DYM: variants seen among roughly 807,000 people sequenced by gnomAD.
DYM encodes the protein dymeclin.
DYM carries 78 observed loss-of-function variants against 93.1 expected under a neutral mutation model. The observed-to-expected ratio is 0.84, with a 90% confidence interval of 0.70 to 1.01. DYM has a LOEUF of 1.01. DYM is among the 50% of genes least tolerant of loss of function. The pLI is 0.00. For missense variants in DYM, 789 were observed against 845.0 expected, an observed-to-expected ratio of 0.93 and a Z score of 0.82; for synonymous variants, 321 against 319.7, an observed-to-expected ratio of 1.00 and a Z score of -0.04.
chr18:49,064,490 T>C (rs907567082), intron 17 of DYM, among the ~76,000 whole-genome samples: 6 of 152,218 alleles, frequency 3.9e-5, no homozygotes, highest in African/African-American at 1.4e-4. Flanking sequence ...CCAGGGTCTA[T>C]GACTTCATAC....
chr18:49,353,241 A>G (rs2065264009), intron 6 of DYM, among the ~76,000 whole-genome samples: 1 of 152,120 alleles, frequency 6.6e-6, no homozygotes, highest in Non-Finnish European at 1.5e-5. Context: ...AATTAGTAAT[A>G]TTTTAAAACA....
At chr18:49,048,152 G>A (rs2071882044) in intron 17 of DYM, 2 of 152,232 alleles carry the variant, frequency 1.3e-5, no homozygotes, top group Non-Finnish European at 2.9e-5. Context: ...TTCTGGGTGT[G>A]AGGTACAGAG....
At chr18:49,385,303 T>TA (rs1201099401) in intron 3 of DYM, among the ~76,000 whole-genome samples, 3 of 152,130 alleles carry the variant, frequency 2.0e-5, no homozygotes, top group African/African-American at 4.8e-5. Flanking sequence ...CTGACTATCA[T>TA]AAAAAACAAC....
intron 15 of DYM, among the ~76,000 whole-genome samples, chr18:49,148,336 G>C (rs1439875238): frequency 6.7e-6 from 1 of 148,808 alleles, no homozygotes; most frequent in Non-Finnish European, 1.5e-5. Flanking sequence ...AAAACTTAAA[G>C]TATAATTTTA....
intron 8 of DYM, among the ~76,000 whole-genome samples, chr18:49,301,347 C>T (rs1305946840): frequency 3.3e-5 from 5 of 151,808 alleles, no homozygotes; most frequent in African/African-American, 1.2e-4. Context: ...GGTGAAACCC[C>T]GTCTCTACTA....
intron 8 of DYM, among the ~76,000 whole-genome samples, chr18:49,287,714 G>A (rs1410115892): frequency 4.0e-5 from 6 of 151,364 alleles, no homozygotes; most frequent in African/African-American, 9.7e-5. Flanking sequence ...GCGTGGTGGC[G>A]GGCACCTGTA....
intron 6 of DYM, among the ~76,000 whole-genome samples, chr18:49,342,033 G>A (rs2064202019): frequency 6.6e-6 from 1 of 152,200 alleles, no homozygotes; most frequent in Non-Finnish European, 1.5e-5. Flanking sequence ...GGTCTCACGA[G>A]CCTAAAATCC....
At chr18:49,134,320 T>C (rs1277702288) in intron 15 of DYM, among the ~76,000 whole-genome samples, 1 of 152,234 alleles carries the variant, frequency 6.6e-6, no homozygotes, top group Non-Finnish European at 1.5e-5. Flanking sequence ...TTTTGCATAA[T>C]GGTTTATAAG....
chr18:49,341,014 T>C (rs548853966), intron 6 of DYM, among the ~76,000 whole-genome samples: 1 of 152,360 alleles, frequency 6.6e-6, no homozygotes, highest in South Asian at 2.1e-4. Context: ...TCTGTATTTG[T>C]AAAATCACCT....
At chr18:49,073,191 G>A (rs982203122) in intron 17 of DYM, among the ~76,000 whole-genome samples, 13 of 152,164 alleles carry the variant, frequency 8.5e-5, no homozygotes, top group Non-Finnish European at 1.5e-4. Flanking sequence ...TTCGTCACAA[G>A]ATCATTTACA....
At chr18:49,073,078 T>C (rs1365307426) in intron 17 of DYM, among the ~76,000 whole-genome samples, 1 of 152,208 alleles carries the variant, frequency 6.6e-6, no homozygotes, top group Non-Finnish European at 1.5e-5. Context: ...CATACGTGGA[T>C]AAATAAGAGT....
At chr18:49,322,396 A>G (rs1164140050) in intron 8 of DYM, among the ~76,000 whole-genome samples, 1 of 152,162 alleles carries the variant, frequency 6.6e-6, no homozygotes, top group Non-Finnish European at 1.5e-5. Flanking sequence ...TAAAACACAG[A>G]AGAAATTTCA....
At chr18:49,308,977 A>C (rs1228831405) in intron 8 of DYM, among the ~76,000 whole-genome samples, 1 of 152,220 alleles carries the variant, frequency 6.6e-6, no homozygotes, top group Non-Finnish European at 1.5e-5. Flanking sequence ...TTAAAATTAC[A>C]TTCATGAAGA....
chr18:49,298,639 T>A (rs2060709552), intron 8 of DYM, among the ~76,000 whole-genome samples: 1 of 151,942 alleles, frequency 6.6e-6, no homozygotes, highest in African/African-American at 2.4e-5. Context: ...GCATAATATA[T>A]GTCATATGGA....
At chr18:49,175,714 A>T (rs537475280) in intron 14 of DYM, among the ~76,000 whole-genome samples, 109 of 152,334 alleles carry the variant, frequency 7.2e-4, no homozygotes, top group African/African-American at 2.5e-3. Flanking sequence ...ATGCATGGAC[A>T]ACAGATGTGT....
chr18:49,439,941 G>C (rs1448859453), intron 1 of DYM, among the ~76,000 whole-genome samples: 1 of 151,554 alleles, frequency 6.6e-6, no homozygotes, highest in African/African-American at 2.4e-5. Context: ...GGATTTTGAA[G>C]TTGCAGTGAG....
At chr18:49,318,863 C>T (rs905619238) in intron 8 of DYM, among the ~76,000 whole-genome samples, 13 of 142,742 alleles carry the variant, frequency 9.1e-5, no homozygotes, top group African/African-American at 2.9e-4. Flanking sequence ...TGCAGTGGCA[C>T]GATCTCGGCT....
At chr18:49,432,928 T>C (rs139027326) in intron 1 of DYM, among the ~76,000 whole-genome samples, 6 of 152,192 alleles carry the variant, frequency 3.9e-5, no homozygotes, top group Admixed American at 3.9e-4. Flanking sequence ...TAGAAATCTA[T>C]AGCTTTTCAA....
At chr18:49,152,271 T>G (rs1051450991) in intron 15 of DYM, among the ~76,000 whole-genome samples, 11 of 152,218 alleles carry the variant, frequency 7.2e-5, no homozygotes, top group African/African-American at 2.7e-4. Flanking sequence ...GCAATAGTGT[T>G]TCATTCGATC....
Sources: gnomAD v4.1 joint callset for allele counts (sites outside exome capture counted in the v4.1 genomes callset) on GRCh38, gnomAD v4.1.1 for gene constraint, MANE v1.5 for transcripts, NCBI Gene and HGNC (gene_info 2026-07-23, HGNC 2026-07-21) for gene names.